IL1RAPL2: variants seen among roughly 807,000 people sequenced by gnomAD.
The protein encoded by IL1RAPL2 is interleukin 1 receptor accessory protein like 2.
Under a neutral mutation model 44.1 loss-of-function variants are expected in IL1RAPL2, and 3 were observed. The ratio of observed to expected loss-of-function variants is 0.07; its 90% CI spans 0.03 to 0.18. The LOEUF is 0.18. Ranked by LOEUF, IL1RAPL2 falls within the 10% of genes least tolerant of loss-of-function variation. The probability of loss-of-function intolerance (pLI) is 1.00; values close to 1 mark genes in which losing one functional copy is unlikely to be tolerated. For missense variants in IL1RAPL2, 391 were observed against 496.4 expected, an observed-to-expected ratio of 0.79 and a Z score of 2.02; for synonymous variants, 181 against 178.8, an observed-to-expected ratio of 1.01 and a Z score of -0.10.
In IL1RAPL2 at chrX:105,663,797, T is replaced by A. The variant is rs72618308; in HGVS notation, c.773-53570T>A. Among the ~76,000 whole-genome samples the A allele has an allele frequency of 1.2e-3, 131 of 111,945 alleles. 1 individual carries two copies. The East Asian group carries it at 0.031, about 26-fold the overall frequency. ...GCTTGTTATGTACGATAGATTGAGGTCTGCAGCTGCAGTTGCCTGCCATTT... is the reference window on the plus strand; with the variant it reads ...GCTTGTTATGTACGATAGATTGAGGACTGCAGCTGCAGTTGCCTGCCATTT... On this transcript the variant is annotated intron_variant, in intron 6 of 10. Transcript: ENST00000372582.
At chrX:105,014,433 A>C (rs1310465769) in intron 2 of IL1RAPL2, among the ~76,000 whole-genome samples, 1 of 110,693 alleles carries the variant, frequency 9.0e-6, no homozygotes, top group Non-Finnish European at 1.9e-5. Context: ...CATCTACAGT[A>C]GGTATTTCTC....
intron 5 of IL1RAPL2, among the ~76,000 whole-genome samples, chrX:105,351,013 A>G (rs2035149439): frequency 8.9e-6 from 1 of 112,144 alleles, no homozygotes; most frequent in Non-Finnish European, 1.9e-5. Context: ...GCCAACAAAC[A>G]TATGAAAAAA....
chrX:104,782,946 G>A (rs1210994200), intron 2 of IL1RAPL2, among the ~76,000 whole-genome samples: 4 of 111,888 alleles, frequency 3.6e-5, no homozygotes, highest in Admixed American at 9.5e-5. Flanking sequence ...GAGAATATGC[G>A]GTAAAGAGTG....
chrX:104,734,082 G>T (rs920891613), intron 2 of IL1RAPL2, among the ~76,000 whole-genome samples: 1 of 111,846 alleles, frequency 8.9e-6, no homozygotes, highest in Admixed American at 9.5e-5. Flanking sequence ...ACAAATTAAA[G>T]CCATGATGGG....
At position 105,075,197 on chromosome X, in the gene IL1RAPL2, T is replaced by C. The variant is rs777951771; in HGVS notation, c.83-120278T>C. Among the ~76,000 whole-genome samples, 44 of 111,653 alleles carry C rather than the reference T, an allele frequency of 3.9e-4. No individual in the cohort carries two copies. In the South Asian group the frequency reaches 4.9e-3, roughly 13 times the overall value. ...GTGGGTTTGTCATAGATAGCTCTTA[T>C]TATTTTGAGATATGTTCCATCAATA... On this transcript the variant is annotated intron_variant, in intron 2 of 10. Transcript: ENST00000372582.
intron 1 of IL1RAPL2, among the ~76,000 whole-genome samples, chrX:104,633,336 C>G (rs1929701104): frequency 9.0e-6 from 1 of 111,512 alleles, no homozygotes; most frequent in African/African-American, 3.3e-5. Context: ...GCTTTGGTAT[C>G]AGGATGATAC....
intron 2 of IL1RAPL2, among the ~76,000 whole-genome samples, chrX:104,908,806 A>G (rs1218137979): frequency 2.8e-5 from 3 of 108,746 alleles, no homozygotes; most frequent in Non-Finnish European, 5.7e-5. Context: ...CTCGAGGAGT[A>G]TCTTTGTGGC....
intron 2 of IL1RAPL2, among the ~76,000 whole-genome samples, chrX:105,040,472 G>C (rs1035121630): frequency 9.0e-6 from 1 of 111,190 alleles, no homozygotes. Context: ...GTTCCTCCTT[G>C]TATCTCTGGT....
chrX:105,205,587 TAAAAAAAAA>T (rs375473348), intron 3 of IL1RAPL2, among the ~76,000 whole-genome samples: 12 of 8,210 alleles, frequency 1.5e-3, no homozygotes, highest in East Asian at 9.4e-3. Flanking sequence ...AAGACTCTGT[TAAAAAAAAA>T]AAAAAAAAAA....
rs1479183344 is a variant in IL1RAPL2, at chrX:105,673,227, C to T, written c.773-44140C>T. 6.3e-5 allele frequency among the ~76,000 whole-genome samples: 7 copies of T among 110,873 alleles called. 1 individual carries two copies. Among genetic ancestry groups the T allele is most frequent in the South Asian group, 3.9e-4 (1 of 2,569 alleles). ...TGTGAAGGTTTGTAACATAGGTAAA[C>T]GTGTGCCATGATGGTTTGCTGGACC... is the stretch of plus-strand genomic sequence containing the variant. On this transcript the variant is annotated intron_variant, in intron 6 of 10. Coordinates refer to ENST00000372582, the MANE Select transcript of IL1RAPL2 (RefSeq NM_017416.2).
chrX:105,151,789 A>G (rs1263114103), intron 2 of IL1RAPL2, among the ~76,000 whole-genome samples: 1 of 110,802 alleles, frequency 9.0e-6, no homozygotes, highest in African/African-American at 3.3e-5. Context: ...GTGTATATAT[A>G]TATATATGTG....
intron 2 of IL1RAPL2, among the ~76,000 whole-genome samples, chrX:104,892,280 G>T (rs1053804521): frequency 9.0e-6 from 1 of 111,651 alleles, no homozygotes; most frequent in Non-Finnish European, 1.9e-5. Flanking sequence ...TCTCTGTCAG[G>T]CTTTGGTATC....
In IL1RAPL2 at chrX:104,826,982, A is replaced by G. The variant is rs1197836448; in HGVS notation, c.82+167987A>G. Among the ~76,000 whole-genome samples the G allele has an allele frequency of 1.2e-3, 110 of 91,581 alleles. 1 individual carries two copies. The highest frequency in any genetic ancestry group is 2.1e-3 in the Non-Finnish European group (97 of 46,953). The allele number at this position is 91,581 out of a possible 115,157, so 79.5% of individuals were successfully genotyped here. A position where few individuals can be genotyped will look rare whatever the true frequency, so the allele number is the denominator to read the frequency against. ...TTTTTGCTTTCCATTTGCTTGGTAA[A>G]TCTTCCTCCATCCCTTTATTTTGAG... On this transcript the variant is annotated intron_variant, in intron 2 of 10. Transcript: ENST00000372582.
chrX:104,854,950 G>A (rs949492789), intron 2 of IL1RAPL2, among the ~76,000 whole-genome samples: 11 of 111,632 alleles, frequency 9.9e-5, no homozygotes, highest in African/African-American at 2.9e-4. Flanking sequence ...TTTGGTTGCC[G>A]AAGACTATAT....
At chrX:105,419,657 T>A (rs1407305698) in intron 5 of IL1RAPL2, among the ~76,000 whole-genome samples, 1 of 112,152 alleles carries the variant, frequency 8.9e-6, no homozygotes, top group Non-Finnish European at 1.9e-5. Flanking sequence ...GCAATGCAAG[T>A]ATCACAGCAA....
At chrX:104,632,435 T>A (rs1929672895) in intron 1 of IL1RAPL2, among the ~76,000 whole-genome samples, 2 of 111,741 alleles carry the variant, frequency 1.8e-5, no homozygotes, top group Admixed American at 1.9e-4. Context: ...CCTTGGACAG[T>A]GTGGCCATTT....
intron 2 of IL1RAPL2, among the ~76,000 whole-genome samples, chrX:104,689,631 G>A: frequency 8.9e-6 from 1 of 111,877 alleles, no homozygotes; most frequent in South Asian, 3.8e-4. Context: ...GAGTTTCTGT[G>A]CCATATTTTG....
chrX:105,466,802 T>C (rs755414843), intron 5 of IL1RAPL2, among the ~76,000 whole-genome samples: 70 of 111,462 alleles, frequency 6.3e-4, no homozygotes, highest in African/African-American at 2.3e-3. Context: ...AGAAAAGACA[T>C]TTATTTCTTA....
rs1569487981 is a variant in IL1RAPL2 at position 104,585,362 on chromosome X, T to TATATA, written c.-20+18312_-20+18316dup. Among the ~76,000 whole-genome samples, 67 of 23,551 alleles carry TATATA rather than the reference T, an allele frequency of 2.8e-3. 4 individuals are homozygous for TATATA. Among genetic ancestry groups the TATATA allele is most frequent in the African/African-American group, 0.026 (61 of 2,358 alleles). The allele number at this position is 23,551 out of a possible 115,157, so 20.5% of individuals were successfully genotyped here. On this transcript the variant is annotated intron_variant, in intron 1 of 10. Transcript: ENST00000372582. Reference sequence around the variant, plus strand: ...TATATATTATATATATTATATATATTATATATATTATATATAATATATATT... The same window carrying TATATA: ...TATATATTATATATATTATATATATTATATAATATATATTATATATAATATATATT...
Sources: allele counts gnomAD v4.1 joint callset (sites outside exome capture counted in the v4.1 genomes callset), GRCh38; gene constraint gnomAD v4.1.1; transcripts MANE v1.5; gene names NCBI Gene and HGNC (gene_info 2026-07-23, HGNC 2026-07-21).